WDR88: variants seen among roughly 807,000 people sequenced by gnomAD.
The protein encoded by WDR88 is WD repeat domain 88.
Under a neutral mutation model 46.8 loss-of-function variants are expected in WDR88, and 40 were observed. The ratio of observed to expected loss-of-function variants is 0.86; its 90% CI spans 0.66 to 1.11. The LOEUF (loss-of-function observed/expected upper bound fraction) is 1.11. Ranked by LOEUF, WDR88 falls within the 50% of genes most tolerant of loss-of-function variation. The probability of loss-of-function intolerance (pLI) is 0.00; values close to 1 mark genes in which losing one functional copy is unlikely to be tolerated. For synonymous variants in WDR88, 235 were observed against 240.7 expected (o/e 0.98, Z 0.22); for missense variants, 562 against 602.4 (o/e 0.93, Z 0.70).
chr19:33,147,832 C>T (rs1006710751), intron 4 of WDR88, 124 bp downstream of exon 4: 14 of 798,218 alleles, frequency 1.8e-5, no homozygotes, highest in Non-Finnish European at 2.6e-5. Flanking sequence ...AGGAAGGAGG[C>T]ATGTTCCTGG....
chr19:33,147,767 A>T (rs1973549899), intron 4 of WDR88, 59 bp downstream of exon 4: 4 of 1,551,520 alleles, frequency 2.6e-6, no homozygotes, highest in Non-Finnish European at 3.5e-6. Flanking sequence ...ACCAAGCCTC[A>T]GGCAGCTTTG....
chr19:33,168,030 TTC>T (rs1973982303), intron 9 of WDR88, among the ~76,000 whole-genome samples: 1 of 142,556 alleles, frequency 7.0e-6, no homozygotes, highest in South Asian at 2.3e-4. Context: ...AATGATTTCT[TTC>T]TTTTTTTTTT....
chr19:33,135,041 G>A (rs1973230601), intron 1 of WDR88, among the ~76,000 whole-genome samples: 1 of 100,762 alleles, frequency 9.9e-6, no homozygotes, highest in Non-Finnish European at 1.9e-5. Flanking sequence ...CCATGCGCGA[G>A]CTGGGGTGGG....
intron 1 of WDR88, among the ~76,000 whole-genome samples, chr19:33,132,766 G>T (rs1160760812): frequency 6.6e-6 from 1 of 152,210 alleles, no homozygotes. Context: ...CACCCACAGT[G>T]ATGCTCCTAA....
chr19:33,171,705 T>C (rs551722796), intron 9 of WDR88, among the ~76,000 whole-genome samples: 9 of 152,322 alleles, frequency 5.9e-5, no homozygotes, highest in African/African-American at 2.2e-4. Flanking sequence ...TATAGTTTCA[T>C]GCTTTGTGTT....
intron 5 of WDR88, 24 bp from the exon 6 acceptor site, chr19:33,151,157 G>A (rs201153024): frequency 9.5e-5 from 153 of 1,607,752 alleles, no homozygotes; most frequent in Non-Finnish European, 1.3e-4. Flanking sequence ...GTGGTCTCAA[G>A]TCCCTTTCCT....
chr19:33,161,771 C>A (rs1277237341), intron 8 of WDR88, among the ~76,000 whole-genome samples: 1 of 152,076 alleles, frequency 6.6e-6, no homozygotes, highest in African/African-American at 2.4e-5. Flanking sequence ...TCGAGACCAG[C>A]CTGGCCAACA....
At chr19:33,140,313 C>G (rs1274947494) in intron 2 of WDR88, among the ~76,000 whole-genome samples, 2 of 152,106 alleles carry the variant, frequency 1.3e-5, no homozygotes, top group African/African-American at 4.8e-5. Context: ...CACCACCACA[C>G]CTAGCTAATT....
intron 1 of WDR88, among the ~76,000 whole-genome samples, chr19:33,134,840 A>ACCCCCCCCCCCCCCCCCCCCCCCCCC (rs766617576): frequency 3.2e-5 from 2 of 62,408 alleles, no homozygotes; most frequent in Non-Finnish European, 7.0e-5. Context: ...CGTCCCCGAC[A>ACCCCCCCCCCCCCCCCCCCCCCCCCC]CCCCCCCCCC....
intron 1 of WDR88, among the ~76,000 whole-genome samples, chr19:33,133,198 T>G (rs2545667): frequency 0.22 from 17,485 of 79,672 alleles, 1,427 homozygotes; most frequent in Admixed American, 0.39. Flanking sequence ...TAAATAAATA[T>G]AGAGAGAGAG....
At chr19:33,156,993 C>T (rs1230479445) in intron 7 of WDR88, among the ~76,000 whole-genome samples, 2 of 152,032 alleles carry the variant, frequency 1.3e-5, no homozygotes, top group African/African-American at 2.4e-5. Context: ...GCCAGGAGTT[C>T]AAGACCAGCC....
At chr19:33,174,797 C>T (rs376356305) in intron 10 of WDR88, 99 of 985,192 alleles carry the variant, frequency 1.0e-4, no homozygotes, top group Non-Finnish European at 1.2e-4. Context: ...CACGCATGTC[C>T]TCAGGACCCC....
Position 33,151,258 on chromosome 19 carries a change from T to A in WDR88, c.757T>A (p.Cys253Ser), listed in dbSNP as rs774053759. 3.1e-6 allele frequency: 5 copies of A among 1,613,660 alleles called. No individual in the cohort carries two copies. In the South Asian group the frequency reaches 5.5e-5, roughly 18 times the overall value. The part of the protein sequence containing the change: ...QRVASVSLDR[C>S]IKIWDVTSQA... ...GGTGGCTTCTGTCTCATTGGACAGG[T>A]GCATCAAGATCTGGGATGTTACATC... Residue 253 changes from cysteine (C) to serine (S), a missense_variant, in exon 6 of 11, where the codon TGC becomes AGC. Physicochemically the swap from Cys to Ser is moderately radical, Grantham distance 112. Coordinates refer to ENST00000355868, the MANE Select transcript of WDR88 (RefSeq NM_173479.4).
Position 33,172,365 on chromosome 19 carries a change from G to A in WDR88, c.1167G>A (p.Leu389=). ...LSASKDRTMR[L]WNIEEIDEIP... ...TGTTTTAGGATAGGACCATGAGACT[G>A]TGGAATATTGAAGAAATTGATGAAA... Residue 389 remains leucine, a synonymous_variant, in exon 10 of 11, where the codon CTG becomes CTA. Transcript: ENST00000355868. The A allele has an allele frequency of 6.2e-7, 1 of 1,613,982 alleles. No homozygotes were observed. The highest frequency in any genetic ancestry group is 8.5e-7 in the Non-Finnish European group (1 of 1,179,950).
rs1473059785 is a variant in WDR88 at position 33,151,299 on chromosome 19, C to T, written c.798C>T (p.Leu266=). 1.2e-6 allele frequency: 2 copies of T among 1,613,114 alleles called. No individual in the cohort carries two copies. The highest frequency in any genetic ancestry group is 1.7e-4 in the Middle Eastern group (1 of 5,958). The change falls in exon 6 of 11, where the codon CTC becomes CTT. Residue 266 remains leucine (L), a synonymous_variant. Coordinates refer to ENST00000355868, the MANE Select transcript of WDR88 (RefSeq NM_173479.4). Reference sequence around the variant, plus strand: ...ATGTTACATCCCAGGCCACGCTGCTCACCATCACTAAGTGAGTTGGACCCC... The same window carrying T: ...ATGTTACATCCCAGGCCACGCTGCTTACCATCACTAAGTGAGTTGGACCCC... ...IWDVTSQATL[L]TITKAHSNAI...
At chr19:33,155,599 C>T (rs187214772) in intron 6 of WDR88, among the ~76,000 whole-genome samples, 124 of 152,168 alleles carry the variant, frequency 8.1e-4, no homozygotes, top group South Asian at 7.0e-3. Context: ...GGGGAGACCA[C>T]GCCTGACATT....
In WDR88 at chr19:33,137,793, T is replaced by A; in HGVS notation, c.387+6T>A. 1 of 1,611,718 alleles carries A rather than the reference T, an allele frequency of 6.2e-7. No individual in the cohort carries two copies. Among genetic ancestry groups the A allele is most frequent in the Non-Finnish European group, 8.5e-7 (1 of 1,179,372 alleles). ...ACTGCACTGTGAAGCTGTGGGTAGG[T>A]GGCCGGCTGTTAGGTACTCCTGGAG... On this transcript the variant is annotated splice_donor_region_variant and intron_variant, in intron 2 of 10. Transcript: ENST00000355868.
In WDR88 at chr19:33,156,448, C is replaced by A; in HGVS notation, c.903C>A (p.Asn301Lys). Reference sequence around the variant, plus strand: ...GGGATAAAAACTTAAAAATATGGAACGTCCACACAGGGGAGTTTCGAAACT... The same window carrying A: ...GGGATAAAAACTTAAAAATATGGAAAGTCCACACAGGGGAGTTTCGAAACT... ...SSWDKNLKIW[N>K]VHTGEFRNCG... The change falls in exon 7 of 11, where the codon AAC (asparagine) becomes AAA (lysine). Residue 301 changes from asparagine (N) to lysine (K), a missense_variant. Asn to Lys is a moderately conservative substitution (Grantham distance 94, BLOSUM62 0). Transcript: ENST00000355868. 2 of 1,614,152 alleles carry A rather than the reference C, an allele frequency of 1.2e-6. No individual in the cohort carries two copies. Among genetic ancestry groups the A allele is most frequent in the Non-Finnish European group, 1.7e-6 (2 of 1,180,028 alleles).
chr19:33,142,878 A>AAAAG lies in WDR88; in HGVS notation c.388-1964_388-1963insAGAA, dbSNP rs1289318961. The AAAAG allele has an allele frequency of 3.7e-3, 522 of 142,950 alleles. 12 individuals carry two copies. The highest frequency in any genetic ancestry group is 0.013 in the African/African-American group (496 of 36,858). 8.9% of individuals were successfully genotyped at this position (142,950 alleles called of 1,614,324 possible). On this transcript the variant is annotated intron_variant, in intron 2 of 10. Transcript: ENST00000355868. The stretch of plus-strand genomic sequence containing the variant: ...AAAAAAAAAAAAAAAAAAAAAAAAA[A>AAAAG]AAGGCCGGGGGGCGGGAATAACGTG...
Sources: allele counts gnomAD v4.1 joint callset (sites outside exome capture counted in the v4.1 genomes callset), GRCh38; gene constraint gnomAD v4.1.1; transcripts MANE v1.5; gene names NCBI Gene and HGNC (gene_info 2026-07-23, HGNC 2026-07-21).